Variants in PRPF6 observed in about 807,000 individuals in gnomAD.
PRPF6 encodes pre-mRNA processing factor 6.
PRPF6 carries 42 observed loss-of-function variants against 118.3 expected under a neutral mutation model. That is an observed-to-expected ratio of 0.35 (90% CI 0.28 to 0.46). The LOEUF is 0.46. Ranked by LOEUF, PRPF6 falls within the 20% of genes least tolerant of loss-of-function variation. The pLI is 1.00. For synonymous variants in PRPF6, 481 were observed against 485.1 expected, an observed-to-expected ratio of 0.99 and a Z score of 0.11; for missense variants, 662 against 1,255.7, an observed-to-expected ratio of 0.53 and a Z score of 7.15.
At chr20:63,983,362 T>C (rs955734600) in intron 2 of PRPF6, 147 bp downstream of exon 2, 2 of 1,049,654 alleles carry the variant, frequency 1.9e-6, no homozygotes, top group Admixed American at 3.9e-5. Context: ...TTACTGAGAG[T>C]GAGAGGGAGC....
At chr20:64,016,697 A>G (rs1446532106) in intron 11 of PRPF6, 26 bp from the exon 12 acceptor site, 2 of 1,613,728 alleles carry the variant, frequency 1.2e-6, no homozygotes, top group Admixed American at 1.7e-5. Context: ...CCAAAATCAC[A>G]AATAAGTTTT....
At chr20:64,019,713 C>T (rs2059254472) in intron 12 of PRPF6, among the ~76,000 whole-genome samples, 1 of 152,224 alleles carries the variant, frequency 6.6e-6, no homozygotes, top group Non-Finnish European at 1.5e-5. Flanking sequence ...CTGACCCTCA[C>T]CGGCATCCTC....
At chr20:64,002,057 C>T (rs532240399) in intron 9 of PRPF6, among the ~76,000 whole-genome samples, 14 of 108,368 alleles carry the variant, frequency 1.3e-4, no homozygotes, top group African/African-American at 3.2e-4. Flanking sequence ...CTCGCCCTGT[C>T]GCCCAGGCTG....
At chr20:64,002,942 C>T (rs927137157) in intron 9 of PRPF6, among the ~76,000 whole-genome samples, 1 of 150,688 alleles carries the variant, frequency 6.6e-6, no homozygotes, top group Non-Finnish European at 1.5e-5. Flanking sequence ...CTGTGCCCGG[C>T]CAGATTTTTT....
chr20:63,998,787 A>G (rs1265395082), intron 6 of PRPF6, among the ~76,000 whole-genome samples: 1 of 151,334 alleles, frequency 6.6e-6, no homozygotes, highest in Admixed American at 6.6e-5. Flanking sequence ...GCTTGCAGTG[A>G]GCCGAGATTG....
rs778505712 is a variant in PRPF6 at position 64,024,679 on chromosome 20, GC to G, written c.1897del (p.Leu633TrpfsTer17). On this transcript the variant is annotated frameshift_variant, in exon 14 of 21. Coordinates refer to ENST00000266079, the MANE Select transcript of PRPF6 (RefSeq NM_012469.4). LOFTEE classifies it high-confidence loss of function. Reference protein sequence around the residue: ...GDVPAARSILALAFQANPNSE... With the variant: ...GDVPAARSILXLAFQANPNSE... ...TGTGCCTGCAGCAAGGAGCATCCTG[GC>G]CCTGGCCTTCCAGGTGGGTGAGGGT... is the stretch of plus-strand genomic sequence containing the variant. The G allele has an allele frequency of 6.2e-7, 1 of 1,612,874 alleles. No homozygotes were observed. Among genetic ancestry groups the G allele is most frequent in the African/African-American group, 1.3e-5 (1 of 75,042 alleles).
chr20:64,010,312 C>T lies in PRPF6; in HGVS notation c.1299C>T (p.Ser433=), dbSNP rs200427400. The T allele has an allele frequency of 6.2e-6, 10 of 1,613,124 alleles. No individual in the cohort carries two copies. In the African/African-American group the frequency reaches 8.0e-5, roughly 13 times the overall value. ...GAGCTGTGGAGTGCTGCCCCACCAG[C>T]GTGGAGGTGAGTCTGGCGGGCTCAG... ...LSRAVECCPT[S]VELWLALARL... Residue 433 remains serine, a synonymous_variant, in exon 10 of 21, where the codon AGC becomes AGT. Transcript: ENST00000266079.
intron 9 of PRPF6, among the ~76,000 whole-genome samples, chr20:64,004,396 G>C (rs148322914): frequency 1.5e-3 from 232 of 152,322 alleles, no homozygotes; most frequent in African/African-American, 5.2e-3. Flanking sequence ...CTTTTCCTGG[G>C]GTGAAGCCCA....
rs935211830 is a variant in PRPF6 at position 64,026,285 on chromosome 20, T to C, written c.2028+227T>C. On this transcript the variant is annotated intron_variant, in intron 15 of 20. Coordinates refer to ENST00000266079, the MANE Select transcript of PRPF6 (RefSeq NM_012469.4). This position sits in a 1 kb window ranked among gnomAD's most constrained non-coding sequence, Gnocchi z 4.4. ...ACTTTGGGAGGCCAAGGCGGACAGA[T>C]CACCTGAGGGTGGGAGTTTGAGACC... 6.6e-6 allele frequency among the ~76,000 whole-genome samples: 1 copy of C among 151,638 alleles called. No individual in the cohort carries two copies. Among genetic ancestry groups the C allele is most frequent in the Non-Finnish European group, 1.5e-5 (1 of 67,940 alleles).
Position 64,011,616 on chromosome 20 carries a change from C to A in PRPF6, c.1524+113C>A. 1 of 1,211,132 alleles carries A rather than the reference C, an allele frequency of 8.3e-7. No homozygotes were observed. The highest frequency in any genetic ancestry group is 1.2e-6 in the Non-Finnish European group (1 of 851,716). The allele number at this position is 1,211,132 out of a possible 1,614,324, so 75.0% of individuals were successfully genotyped here. A position where few individuals can be genotyped will look rare whatever the true frequency, so the allele number is the denominator to read the frequency against. ...TGGTACTGGGGAGTCCTGTGCCAAA[C>A]CAGAAGCAGGCACAGGTGTGAATGG... On this transcript the variant is annotated intron_variant, in intron 11 of 20. Coordinates refer to ENST00000266079, the MANE Select transcript of PRPF6 (RefSeq NM_012469.4). This position sits in a 1 kb window ranked among gnomAD's most constrained non-coding sequence, Gnocchi z 6.7.
chr20:64,006,290 C>G (rs2059189420), intron 9 of PRPF6, among the ~76,000 whole-genome samples: 1 of 150,260 alleles, frequency 6.7e-6, no homozygotes, highest in South Asian at 2.1e-4. Context: ...GGCACATACT[C>G]CCTTTGGAGT....
intron 6 of PRPF6, 81 bp downstream of exon 6, chr20:63,995,563 T>G: frequency 6.5e-7 from 1 of 1,538,226 alleles, no homozygotes; most frequent in Non-Finnish European, 8.9e-7. Context: ...TCCTTCTTCT[T>G]CTTCTCCTTT....
chr20:64,024,765 G>GA, intron 14 of PRPF6, 72 bp downstream of exon 14: 4 of 1,562,206 alleles, frequency 2.6e-6, no homozygotes, highest in Non-Finnish European at 3.5e-6. Flanking sequence ...ACTGGGGCCT[G>GA]AAAATCTCCC....
intron 1 of PRPF6, among the ~76,000 whole-genome samples, chr20:63,981,898 A>G (rs538714658): frequency 6.6e-6 from 1 of 152,168 alleles, no homozygotes; most frequent in Admixed American, 6.5e-5. Flanking sequence ...CAGATTTAGA[A>G]CCCAGTGCTT....
At chr20:64,015,644 C>G (rs1601525946) in intron 11 of PRPF6, among the ~76,000 whole-genome samples, 3 of 152,320 alleles carry the variant, frequency 2.0e-5, no homozygotes, top group Admixed American at 6.5e-5. Context: ...TAAAGTAGAA[C>G]TGCTGGGTCA....
intron 1 of PRPF6, among the ~76,000 whole-genome samples, chr20:63,982,165 AATT>A (rs559446658): frequency 1.6e-4 from 25 of 151,638 alleles, no homozygotes; most frequent in East Asian, 9.7e-4. Context: ...GACCCTTCAG[AATT>A]ATTATTATTA....
intron 11 of PRPF6, among the ~76,000 whole-genome samples, chr20:64,014,836 A>G (rs1280150624): frequency 3.3e-5 from 5 of 152,160 alleles, no homozygotes; most frequent in Non-Finnish European, 5.9e-5. Context: ...ATTGAATGCT[A>G]CGATGAAAGT....
intron 7 of PRPF6, 43 bp from the exon 8 acceptor site, chr20:63,999,560 C>G (rs2059156954): frequency 6.2e-7 from 1 of 1,612,672 alleles, no homozygotes; most frequent in African/African-American, 1.3e-5. Flanking sequence ...GGGTGCACCC[C>G]TGACAGCATG....
At chr20:63,991,860 A>G (rs2059120190) in intron 3 of PRPF6, among the ~76,000 whole-genome samples, 1 of 152,206 alleles carries the variant, frequency 6.6e-6, no homozygotes, top group South Asian at 2.1e-4. Context: ...AACAAGTAGG[A>G]AGAACAGTAC....
Sources: gnomAD v4.1 joint callset for allele counts (sites outside exome capture counted in the v4.1 genomes callset) on GRCh38, gnomAD v4.1.1 for gene constraint, Gnocchi (gnomAD v3.1) non-coding constraint, MANE v1.5 for transcripts, NCBI Gene and HGNC (gene_info 2026-07-23, HGNC 2026-07-21) for gene names.